STK32B: variants seen among roughly 807,000 people sequenced by gnomAD.
STK32B encodes the protein serine/threonine kinase 32B.
A neutral mutation model predicts 52.6 loss-of-function variants in STK32B; 43 were observed. That is an observed-to-expected ratio of 0.82 (90% confidence interval 0.64 to 1.05). The LOEUF (loss-of-function observed/expected upper bound fraction) is 1.05. STK32B is among the 50% of genes least tolerant of loss of function. The probability of loss-of-function intolerance (pLI) is 0.00; values close to 1 mark genes in which losing one functional copy is unlikely to be tolerated. For missense variants in STK32B, 621 were observed against 534.6 expected (o/e 1.16, Z -1.59); for synonymous variants, 238 against 204.3 (o/e 1.17, Z -1.41).
At chr4:5,177,316 T>C (rs1719986513) in intron 3 of STK32B, among the ~76,000 whole-genome samples, 1 of 152,122 alleles carries the variant, frequency 6.6e-6, no homozygotes, top group South Asian at 2.1e-4. Context: ...CTTATAAAAC[T>C]ATCAGATCTT....
intron 3 of STK32B, among the ~76,000 whole-genome samples, chr4:5,330,320 A>C (rs188961007): frequency 6.6e-6 from 1 of 152,224 alleles, no homozygotes; most frequent in Non-Finnish European, 1.5e-5. Context: ...ATGTGATGCT[A>C]TACTACAATT....
rs753328623 is a variant in STK32B, at chr4:5,051,889, C to T, written c.26C>T (p.Pro9Leu). ...ATGGGCGGGAACCACTCCCACAAGCCCCCCGTGTTTGACGAGAATGAGGAA... is the reference window on the plus strand; with the variant it reads ...ATGGGCGGGAACCACTCCCACAAGCTCCCCGTGTTTGACGAGAATGAGGAA... MGGNHSHK[P>L]PVFDENEEVN... The change falls in exon 1 of 12, where the codon CCC (proline) becomes CTC (leucine). Residue 9 changes from proline (P) to leucine (L), a missense_variant. Transcript: ENST00000282908. The T allele has an allele frequency of 1.2e-6, 2 of 1,600,548 alleles. No individual in the cohort carries two copies. The highest frequency in any genetic ancestry group is 8.5e-7 in the Non-Finnish European group (1 of 1,174,054).
intron 7 of STK32B, among the ~76,000 whole-genome samples, chr4:5,450,236 C>A (rs736307): frequency 3.3e-5 from 5 of 152,118 alleles, no homozygotes; most frequent in East Asian, 3.9e-4. Context: ...GGGGCCACTC[C>A]CCAGAATTCC....
chr4:5,141,177 C>G (rs896214273), intron 2 of STK32B, among the ~76,000 whole-genome samples: 2 of 152,194 alleles, frequency 1.3e-5, no homozygotes, highest in Admixed American at 6.5e-5. Flanking sequence ...CCACGTGTAG[C>G]CAGTGGCTAC....
At chr4:5,343,508 T>C (rs1733240825) in intron 4 of STK32B, among the ~76,000 whole-genome samples, 1 of 152,144 alleles carries the variant, frequency 6.6e-6, no homozygotes, top group African/African-American at 2.4e-5. Flanking sequence ...TAGTTCTAGA[T>C]CCCTGAGGAA....
intron 2 of STK32B, among the ~76,000 whole-genome samples, chr4:5,149,470 T>C (rs989993387): frequency 2.6e-5 from 4 of 151,912 alleles, no homozygotes; most frequent in Admixed American, 2.6e-4. Context: ...AATTTATCTA[T>C]TGACTTTGTA....
At chr4:5,433,108 A>G (rs553248142) in intron 6 of STK32B, among the ~76,000 whole-genome samples, 12 of 152,310 alleles carry the variant, frequency 7.9e-5, no homozygotes, top group African/African-American at 2.9e-4. Flanking sequence ...GGCTGGAGAC[A>G]GGCAAGTGGT....
chr4:5,261,823 G>A (rs906898775), intron 3 of STK32B, among the ~76,000 whole-genome samples: 4 of 152,014 alleles, frequency 2.6e-5, no homozygotes, highest in African/African-American at 4.8e-5. Flanking sequence ...TCAAGGCCCC[G>A]GTACCAGATC....
At chr4:5,130,698 A>G (rs545285377) in intron 1 of STK32B, among the ~76,000 whole-genome samples, 3 of 152,166 alleles carry the variant, frequency 2.0e-5, no homozygotes, top group Admixed American at 1.3e-4. Context: ...CGCTTGAGCA[A>G]TGGTTTTTTA....
chr4:5,354,917 G>T (rs1422013665), intron 4 of STK32B, among the ~76,000 whole-genome samples: 2 of 152,142 alleles, frequency 1.3e-5, no homozygotes, highest in Non-Finnish European at 2.9e-5. Context: ...ACATGAGAAA[G>T]ACTCAAACCT....
intron 3 of STK32B, among the ~76,000 whole-genome samples, chr4:5,232,493 T>C (rs897558104): frequency 2.6e-5 from 4 of 152,218 alleles, no homozygotes; most frequent in African/African-American, 7.2e-5. Flanking sequence ...AATACATCTT[T>C]ATTTTCACTA....
intron 6 of STK32B, chr4:5,426,826 G>A (rs986477327): frequency 1.3e-5 from 2 of 150,282 alleles, no homozygotes; most frequent in African/African-American, 4.9e-5. Flanking sequence ...TTTTCTCCAA[G>A]TCAGTGGCTT....
chr4:5,148,828 T>G (rs1053805073), intron 2 of STK32B, among the ~76,000 whole-genome samples: 4 of 151,872 alleles, frequency 2.6e-5, no homozygotes, highest in Non-Finnish European at 4.4e-5. Context: ...GTGTAAAATA[T>G]CCAACTATGA....
intron 9 of STK32B, among the ~76,000 whole-genome samples, chr4:5,461,945 A>T (rs1460461593): frequency 3.3e-5 from 5 of 152,170 alleles, no homozygotes; most frequent in African/African-American, 1.2e-4. Context: ...CTGCTGTGGG[A>T]ACAGGCCATG....
At chr4:5,056,144 C>T (rs1028112798) in intron 1 of STK32B, among the ~76,000 whole-genome samples, 4 of 152,110 alleles carry the variant, frequency 2.6e-5, no homozygotes, top group Admixed American at 6.5e-5. Context: ...GTGAACTGTG[C>T]ATGTGAGGGA....
chr4:5,475,491 G>A (rs1718173380), intron 11 of STK32B, among the ~76,000 whole-genome samples: 2 of 149,548 alleles, frequency 1.3e-5, no homozygotes, highest in South Asian at 4.2e-4. Flanking sequence ...TTGAGGTCAG[G>A]AGTTCAAAAC....
chr4:5,423,238 G>T (rs1458540935), intron 6 of STK32B, among the ~76,000 whole-genome samples: 1 of 152,226 alleles, frequency 6.6e-6, no homozygotes, highest in East Asian at 1.9e-4. Flanking sequence ...TGAAGTGTGG[G>T]CTTCAGCATG....
chr4:5,193,068 G>A (rs758488108), intron 3 of STK32B, among the ~76,000 whole-genome samples: 12 of 152,082 alleles, frequency 7.9e-5, no homozygotes, highest in Middle Eastern at 6.3e-3. Context: ...GAGGAACCCC[G>A]GCCACTGCAC....
rs78421987 is a variant in STK32B, at chr4:5,344,064, A to C, written c.434+12671A>C. Among the ~76,000 whole-genome samples the C allele has an allele frequency of 3.9e-5, 6 of 152,276 alleles. No individual in the cohort carries two copies. In the East Asian group the frequency reaches 5.8e-4, roughly 15 times the overall value. On this transcript the variant is annotated intron_variant, in intron 4 of 11. Coordinates refer to ENST00000282908, the MANE Select transcript of STK32B (RefSeq NM_018401.3). ...TAGGCAGTGCTGTTGGATTGCATCCATCAGTTTGGGGAAGATGAGCTGATT... is the reference window on the plus strand; with the variant it reads ...TAGGCAGTGCTGTTGGATTGCATCCCTCAGTTTGGGGAAGATGAGCTGATT...
Sources: gnomAD v4.1 joint callset for allele counts (sites outside exome capture counted in the v4.1 genomes callset) on GRCh38, gnomAD v4.1.1 for gene constraint, MANE v1.5 for transcripts, NCBI Gene and HGNC (gene_info 2026-07-23, HGNC 2026-07-21) for gene names.